Variants in SMIM14 observed in about 807,000 individuals in gnomAD.
The protein encoded by SMIM14 is chromosome 4 open reading frame 34.
A neutral mutation model predicts 12.6 loss-of-function variants in SMIM14; 5 were observed. The ratio of observed to expected loss-of-function variants is 0.40; its 90% CI spans 0.21 to 0.83. SMIM14 has a LOEUF of 0.83. SMIM14 is among the 40% of genes least tolerant of loss of function. SMIM14 has a pLI of 0.37. For missense variants in SMIM14, 86 were observed against 119.1 expected, an observed-to-expected ratio of 0.72 and a Z score of 1.29; for synonymous variants, 30 against 40.1, an observed-to-expected ratio of 0.75 and a Z score of 0.95.
At chr4:39,556,142 G>A (rs536631099) in intron 4 of SMIM14, among the ~76,000 whole-genome samples, 164 of 151,228 alleles carry the variant, frequency 1.1e-3, no homozygotes, top group African/African-American at 3.6e-3. Flanking sequence ...CAGCCTGGGC[G>A]GCACAGCAAG....
chr4:39,604,224 C>T (rs2110057191), intron 2 of SMIM14, among the ~76,000 whole-genome samples: 1 of 152,014 alleles, frequency 6.6e-6, no homozygotes, highest in Non-Finnish European at 1.5e-5. Flanking sequence ...CAAATGTCAC[C>T]AACATAAATC....
chr4:39,555,190 A>G (rs575086850), intron 4 of SMIM14, among the ~76,000 whole-genome samples: 85 of 151,828 alleles, frequency 5.6e-4, no homozygotes, highest in Non-Finnish European at 1.1e-3. Flanking sequence ...AAAAAAAAAC[A>G]TAAATACTGG....
chr4:39,607,329 G>A (rs755392982), intron 1 of SMIM14, among the ~76,000 whole-genome samples: 49 of 152,164 alleles, frequency 3.2e-4, no homozygotes, highest in Non-Finnish European at 5.6e-4. Context: ...ATTAGCCATG[G>A]AAAACCATTC....
At chr4:39,602,393 G>A (rs937777929) in intron 2 of SMIM14, among the ~76,000 whole-genome samples, 1 of 150,926 alleles carries the variant, frequency 6.6e-6, no homozygotes, top group African/African-American at 2.4e-5. Flanking sequence ...TCAGGAGTTC[G>A]AGACCAGCCT....
chr4:39,576,658 G>GTATATATATATATA (rs1390098435), intron 2 of SMIM14, among the ~76,000 whole-genome samples: 1,089 of 40,346 alleles, frequency 0.027, 175 homozygotes, highest in Middle Eastern at 0.037. Context: ...GTGTGTGTAT[G>GTATATATATATATA]TGTATATATA....
intron 1 of SMIM14, among the ~76,000 whole-genome samples, chr4:39,630,255 G>C (rs1578371727): frequency 2.0e-5 from 3 of 152,046 alleles, no homozygotes; most frequent in Admixed American, 2.0e-4. Flanking sequence ...TAATTAGCCA[G>C]GCATGCTAGC....
At position 39,597,716 on chromosome 4, in the gene SMIM14, G is replaced by A. The variant is rs767148990; in HGVS notation, c.75+7355C>T. 3.3e-5 allele frequency among the ~76,000 whole-genome samples: 5 copies of A among 152,064 alleles called. No homozygotes were observed. In the East Asian group the frequency reaches 7.7e-4, roughly 23 times the overall value. On this transcript the variant is annotated intron_variant, in intron 2 of 4. Transcript: ENST00000295958. ...CATGTATGAGTCTGCATTTATAACC[G>A]TAATGTTCATGATTTTTCCTATTAG...
intron 1 of SMIM14, among the ~76,000 whole-genome samples, chr4:39,625,147 G>A (rs981066320): frequency 1.3e-5 from 2 of 151,418 alleles, no homozygotes; most frequent in Non-Finnish European, 2.9e-5. Context: ...GACCCTAGGA[G>A]GTGGAGGTTG....
At chr4:39,599,260 TA>T (rs779003453) in intron 2 of SMIM14, among the ~76,000 whole-genome samples, 7 of 152,198 alleles carry the variant, frequency 4.6e-5, no homozygotes, top group Non-Finnish European at 7.3e-5. Flanking sequence ...CCAGAATTGT[TA>T]GAACAAAGTG....
rs971922693 is a variant in SMIM14 at position 39,558,225 on chromosome 4, C to T, written c.125-1655G>A. ...AAAAATGGCCAGGTGCACTGGCTCA[C>T]GCCTGTAATCCCAGCACTTTGGAAG... On this transcript the variant is annotated intron_variant, in intron 3 of 4. Transcript: ENST00000295958. This position sits in a 1 kb window ranked among gnomAD's most constrained non-coding sequence, Gnocchi z 4.3. Among the ~76,000 whole-genome samples the T allele has an allele frequency of 3.3e-5, 5 of 152,306 alleles. No individual in the cohort carries two copies. Among genetic ancestry groups the T allele is most frequent in the Middle Eastern group, 3.4e-3 (1 of 294 alleles).
intron 1 of SMIM14, among the ~76,000 whole-genome samples, chr4:39,613,909 G>T (rs1232788118): frequency 6.6e-6 from 1 of 152,094 alleles, no homozygotes; most frequent in Non-Finnish European, 1.5e-5. Context: ...ATTCAAAATA[G>T]CCAGGCACGG....
At chr4:39,579,166 T>G (rs1335412473) in intron 2 of SMIM14, among the ~76,000 whole-genome samples, 4 of 151,838 alleles carry the variant, frequency 2.6e-5, no homozygotes, top group Non-Finnish European at 5.9e-5. Context: ...CCCAGCATTT[T>G]GGGAGGCTGA....
At chr4:39,609,741 T>A (rs760000931) in intron 1 of SMIM14, among the ~76,000 whole-genome samples, 24 of 152,200 alleles carry the variant, frequency 1.6e-4, no homozygotes, top group Non-Finnish European at 2.9e-4. Context: ...GCTTTCATCC[T>A]GGTGTGTTCT....
intron 3 of SMIM14, among the ~76,000 whole-genome samples, chr4:39,571,438 T>C (rs1279196172): frequency 2.6e-5 from 4 of 151,968 alleles, no homozygotes; most frequent in Non-Finnish European, 4.4e-5. Context: ...AAATTAGCCA[T>C]GCATGGTGGT....
At chr4:39,598,040 G>A (rs1289837151) in intron 2 of SMIM14, among the ~76,000 whole-genome samples, 1 of 152,084 alleles carries the variant, frequency 6.6e-6, no homozygotes, top group Non-Finnish European at 1.5e-5. Context: ...TAGAGTTCAG[G>A]GTTTCCTTGG....
In SMIM14 at chr4:39,572,808, C is replaced by A. The variant is rs185916801; in HGVS notation, c.76-345G>T. ...TTGTACTCCAGCCAGGGTGACAGAG[C>A]GAGACCTTGTCTTAAAAAAAAAAAT... On this transcript the variant is annotated intron_variant, in intron 2 of 4. Coordinates refer to ENST00000295958, the MANE Select transcript of SMIM14 (RefSeq NM_174921.3). Among the ~76,000 whole-genome samples, 8 of 151,840 alleles carry A rather than the reference C, an allele frequency of 5.3e-5. No individual in the cohort carries two copies. In the East Asian group the frequency reaches 1.6e-3, roughly 29 times the overall value.
chr4:39,622,564 C>T (rs1266736664), intron 1 of SMIM14, among the ~76,000 whole-genome samples: 1 of 152,170 alleles, frequency 6.6e-6, no homozygotes, highest in African/African-American at 2.4e-5. Flanking sequence ...CCACACCCAG[C>T]TAATTTTTTT....
chr4:39,592,393 C>A (rs1693043757), intron 2 of SMIM14, among the ~76,000 whole-genome samples: 1 of 151,608 alleles, frequency 6.6e-6, no homozygotes, highest in Admixed American at 6.6e-5. Flanking sequence ...ATGAGCCCAG[C>A]CAGATTTATA....
intron 2 of SMIM14, among the ~76,000 whole-genome samples, 158 bp downstream of exon 2, chr4:39,604,913 A>T (rs73240622): frequency 0.34 from 51,140 of 152,004 alleles, 9,041 homozygotes; most frequent in Middle Eastern, 0.44. Context: ...GCCCGGTCAC[A>T]TTTTAATCAT....
Sources: allele counts gnomAD v4.1 joint callset (sites outside exome capture counted in the v4.1 genomes callset), GRCh38; gene constraint gnomAD v4.1.1; non-coding constraint Gnocchi (gnomAD v3.1); transcripts MANE v1.5; gene names NCBI Gene and HGNC (gene_info 2026-07-23, HGNC 2026-07-21).